Variants in SHROOM4 observed in about 807,000 individuals in gnomAD.
SHROOM4 encodes shroom family member 4.
Under a neutral mutation model 80.3 loss-of-function variants are expected in SHROOM4, and 17 were observed. That is an observed-to-expected ratio of 0.21 (90% CI 0.14 to 0.32). The LOEUF (loss-of-function observed/expected upper bound fraction) is 0.32, where lower values mean the gene tolerates loss of function less well. Ranked by LOEUF, SHROOM4 falls within the 10% of genes least tolerant of loss-of-function variation. The probability of loss-of-function intolerance (pLI) is 1.00; values close to 1 mark genes in which losing one functional copy is unlikely to be tolerated. For missense variants in SHROOM4, 993 were observed against 1,140.3 expected, an observed-to-expected ratio of 0.87 and a Z score of 1.86; for synonymous variants, 400 against 437.5, an observed-to-expected ratio of 0.91 and a Z score of 1.07.
intron 1 of SHROOM4, among the ~76,000 whole-genome samples, chrX:50,797,483 T>C (rs1271863690): frequency 1.8e-5 from 2 of 111,678 alleles, no homozygotes; most frequent in Non-Finnish European, 3.8e-5. Flanking sequence ...TGCTTGTGTA[T>C]GTATAGAGAG....
At chrX:50,586,291 C>T (rs782091310), downstream of SHROOM4, among the ~76,000 whole-genome samples, 1 of 111,794 alleles carries the variant, frequency 8.9e-6, no homozygotes, top group Non-Finnish European at 1.9e-5. Flanking sequence ...CACATTTAAT[C>T]TAATGCATTT....
intron 1 of SHROOM4, among the ~76,000 whole-genome samples, chrX:50,747,327 G>A (rs1341323016): frequency 8.9e-6 from 1 of 111,749 alleles, no homozygotes; most frequent in Non-Finnish European, 1.9e-5. Context: ...CACTCTGTCA[G>A]ACGAATTAAA....
At chrX:50,755,320 G>A (rs1271863441) in intron 1 of SHROOM4, among the ~76,000 whole-genome samples, 2 of 111,764 alleles carry the variant, frequency 1.8e-5, no homozygotes, top group African/African-American at 6.5e-5. Flanking sequence ...TGGAGAGCTG[G>A]TTTGCCAGCA....
At chrX:50,813,006 C>CCCCTCG (rs1189829964) in intron 1 of SHROOM4, among the ~76,000 whole-genome samples, 2 of 111,875 alleles carry the variant, frequency 1.8e-5, no homozygotes, top group African/African-American at 6.5e-5. Context: ...GCTGCCCCTA[C>CCCCTCG]CCCTCGCCCT....
intron 2 of SHROOM4, among the ~76,000 whole-genome samples, chrX:50,693,886 C>T (rs1412751123): frequency 9.0e-6 from 1 of 110,896 alleles, no homozygotes; most frequent in Non-Finnish European, 1.9e-5. Flanking sequence ...TCCCCACTTC[C>T]CAGCCTCTAG....
chrX:50,763,797 A>G (rs145427212), intron 1 of SHROOM4, among the ~76,000 whole-genome samples: 264 of 111,366 alleles, frequency 2.4e-3, no homozygotes, highest in African/African-American at 7.9e-3. Flanking sequence ...CTCCATGTTC[A>G]AGCAGTGACT....
At chrX:50,631,022 C>T (rs1931034313) in intron 4 of SHROOM4, among the ~76,000 whole-genome samples, 1 of 108,355 alleles carries the variant, frequency 9.2e-6, no homozygotes, top group Admixed American at 1.0e-4. Context: ...GGAATACATC[C>T]CAACTCATTT....
At chrX:50,582,122 T>A (rs1928677527), downstream of SHROOM4, among the ~76,000 whole-genome samples, 1 of 111,889 alleles carries the variant, frequency 8.9e-6, no homozygotes, top group African/African-American at 3.2e-5. Flanking sequence ...TATGACTCCA[T>A]CTTGCTAGCT....
chrX:50,680,571 T>C (rs1557261717), intron 2 of SHROOM4, among the ~76,000 whole-genome samples: 2 of 111,215 alleles, frequency 1.8e-5, no homozygotes, highest in African/African-American at 3.3e-5. Context: ...TCAGACCTCA[T>C]GCCCCTTTAC....
rs782530547 is a variant in SHROOM4, at chrX:50,694,543, A to ATTTTTT, written c.269+1237_269+1242dup. On this transcript the variant is annotated intron_variant, in intron 2 of 8. Transcript: ENST00000376020. ...AGGTCTTTGCCCATTTTTAAGTTGG[A>ATTTTTT]TTTTTTTTTTTTTTTTTTTTTTTTT... Among the ~76,000 whole-genome samples, 32 of 12,498 alleles carry ATTTTTT rather than the reference A, an allele frequency of 2.6e-3. 8 individuals carry two copies. Among genetic ancestry groups the ATTTTTT allele is most frequent in the African/African-American group, 4.0e-3 (12 of 3,021 alleles). 10.9% of individuals were successfully genotyped at this position (12,498 alleles called of 115,157 possible). A position where few individuals can be genotyped will look rare whatever the true frequency, so the allele number is the denominator to read the frequency against.
At chrX:50,696,620 T>G (rs1933376518) in intron 1 of SHROOM4, among the ~76,000 whole-genome samples, 1 of 112,370 alleles carries the variant, frequency 8.9e-6, no homozygotes. Flanking sequence ...GAATGGCAAA[T>G]TCAAAAGATA....
At chrX:50,751,931 T>C (rs1557268078) in intron 1 of SHROOM4, among the ~76,000 whole-genome samples, 1 of 111,931 alleles carries the variant, frequency 8.9e-6, no homozygotes, top group African/African-American at 3.2e-5. Context: ...TAAGATGCTA[T>C]CTTGACCTAC....
intron 2 of SHROOM4, among the ~76,000 whole-genome samples, chrX:50,673,994 T>C (rs1243016091): frequency 1.8e-5 from 2 of 108,854 alleles, no homozygotes; most frequent in Non-Finnish European, 3.8e-5. Flanking sequence ...AACAATACCA[T>C]TTACAGTTGC....
chrX:50,789,258 G>A (rs1227717258), intron 1 of SHROOM4, among the ~76,000 whole-genome samples: 1 of 111,258 alleles, frequency 9.0e-6, no homozygotes, highest in Non-Finnish European at 1.9e-5. Context: ...CACATGCTAG[G>A]TCACAAAACA....
intron 1 of SHROOM4, among the ~76,000 whole-genome samples, chrX:50,734,159 T>G (rs782125755): frequency 3.6e-5 from 4 of 111,905 alleles, no homozygotes; most frequent in African/African-American, 6.5e-5. Flanking sequence ...ATTCATAAAT[T>G]CAAAGACCTA....
At position 50,814,071 on chromosome X, in the gene SHROOM4, C is replaced by T. The variant is rs1557273816; in HGVS notation, c.-53G>A. The T allele has an allele frequency of 1.1e-6, 1 of 880,667 alleles. No individual in the cohort carries two copies. Among genetic ancestry groups the T allele is most frequent in the Non-Finnish European group, 1.7e-6 (1 of 601,830 alleles). 72.6% of individuals were successfully genotyped at this position (880,667 alleles called of 1,213,427 possible). On this transcript the variant is annotated 5_prime_UTR_variant, in exon 1 of 9. Transcript: ENST00000376020. The stretch of plus-strand genomic sequence containing the variant: ...CTCCTTTTCCGAGGGGGCTACGTTG[C>T]CTCCGCCCCCAGCAGCTCCGCCACC...
chrX:50,706,968 A>C (rs1933694686), intron 1 of SHROOM4, among the ~76,000 whole-genome samples: 1 of 111,945 alleles, frequency 8.9e-6, no homozygotes, highest in Non-Finnish European at 1.9e-5. Flanking sequence ...CCTCACAAAC[A>C]GACCATGAAC....
chrX:50,810,769 T>C (rs1557273365), intron 1 of SHROOM4, among the ~76,000 whole-genome samples: 1 of 112,108 alleles, frequency 8.9e-6, no homozygotes, highest in African/African-American at 3.2e-5. Context: ...AGAAACTCTC[T>C]TAGTAGGACT....
chrX:50,806,189 G>C (rs111740912), intron 1 of SHROOM4, among the ~76,000 whole-genome samples: 10 of 111,759 alleles, frequency 8.9e-5, no homozygotes, highest in Non-Finnish European at 1.5e-4. Flanking sequence ...AAGAAGGACA[G>C]CCTAGATGCA....
Sources: allele counts gnomAD v4.1 joint callset (sites outside exome capture counted in the v4.1 genomes callset), GRCh38; gene constraint gnomAD v4.1.1; transcripts MANE v1.5; gene names NCBI Gene and HGNC (gene_info 2026-07-23, HGNC 2026-07-21).